The following PRMT3 variants were observed in gnomAD, a reference collection of about 807,000 sequenced individuals.
PRMT3 encodes protein arginine N-methyltransferase 3.
In PRMT3, 62 loss-of-function variants were observed where a neutral mutation model predicts 71.9. The ratio of observed to expected loss-of-function variants is 0.86; its 90% confidence interval spans 0.70 to 1.07. The LOEUF is 1.07. PRMT3 is among the 50% of genes least tolerant of loss of function. The pLI is 0.00. For missense variants in PRMT3, 663 were observed against 643.0 expected, an observed-to-expected ratio of 1.03 and a Z score of -0.34; for synonymous variants, 213 against 220.4, an observed-to-expected ratio of 0.97 and a Z score of 0.30.
chr11:20,391,485 C>T (rs886294736), intron 3 of PRMT3, among the ~76,000 whole-genome samples: 8 of 152,128 alleles, frequency 5.3e-5, no homozygotes, highest in Admixed American at 2.6e-4. Flanking sequence ...TCAGGTGATC[C>T]GCCTGCCTTG....
intron 9 of PRMT3, among the ~76,000 whole-genome samples, chr11:20,424,610 G>A (rs1849501621): frequency 1.3e-5 from 2 of 152,178 alleles, no homozygotes. Context: ...AGTATTTGGT[G>A]TAGGCAAAGA....
At chr11:20,408,154 C>G (rs1348709404) in intron 9 of PRMT3, 122 bp downstream of exon 9, 1 of 615,432 alleles carries the variant, frequency 1.6e-6, no homozygotes. Flanking sequence ...AGTAAAAATT[C>G]ACTCCAGAAT....
chr11:20,462,357 T>A (rs975902175), intron 12 of PRMT3, among the ~76,000 whole-genome samples, 190 bp downstream of exon 12: 9 of 152,302 alleles, frequency 5.9e-5, no homozygotes, highest in African/African-American at 2.2e-4. Context: ...ATCACTTCTC[T>A]GTATATTAAA....
chr11:20,496,563 A>G (rs1851337554), intron 15 of PRMT3, among the ~76,000 whole-genome samples: 1 of 146,844 alleles, frequency 6.8e-6, no homozygotes, highest in Non-Finnish European at 1.5e-5. Context: ...CAAGCAGCTC[A>G]GATTCAGCAT....
chr11:20,404,227 T>TTGTTTTGTTTTGTTTTGTTTTG (rs1849019013), intron 8 of PRMT3, among the ~76,000 whole-genome samples: 1 of 63,320 alleles, frequency 1.6e-5, no homozygotes, highest in East Asian at 3.9e-4. Flanking sequence ...TTTTTTTTTT[T>TTGTTTTGTTTTGTTTTGTTTTG]TTTTTTTTTT....
intron 10 of PRMT3, among the ~76,000 whole-genome samples, chr11:20,442,923 A>G (rs191281246): frequency 6.6e-6 from 1 of 152,198 alleles, no homozygotes; most frequent in Non-Finnish European, 1.5e-5. Context: ...AGGGCTGGGC[A>G]TGATGGCTTA....
chr11:20,450,719 A>G (rs1850129759), intron 10 of PRMT3, among the ~76,000 whole-genome samples: 1 of 152,166 alleles, frequency 6.6e-6, no homozygotes, highest in Non-Finnish European at 1.5e-5. Context: ...TAAGTGATTC[A>G]AGCATGAGAG....
intron 10 of PRMT3, among the ~76,000 whole-genome samples, chr11:20,451,926 A>ATT (rs1850158042): frequency 6.6e-6 from 1 of 152,084 alleles, no homozygotes; most frequent in Non-Finnish European, 1.5e-5. Flanking sequence ...ACCACAATAA[A>ATT]CTTTCTGGGT....
chr11:20,445,629 C>T (rs983083693), intron 10 of PRMT3, among the ~76,000 whole-genome samples: 7 of 152,000 alleles, frequency 4.6e-5, no homozygotes, highest in Admixed American at 1.3e-4. Context: ...GATCATCAGC[C>T]AGGTGAAAAT....
At chr11:20,442,783 G>T (rs1288761545) in intron 10 of PRMT3, among the ~76,000 whole-genome samples, 2 of 152,116 alleles carry the variant, frequency 1.3e-5, no homozygotes, top group Admixed American at 6.5e-5. Context: ...TACATTCTAC[G>T]TAATTAATGC....
At chr11:20,495,451 G>A (rs1008392218) in intron 15 of PRMT3, among the ~76,000 whole-genome samples, 1 of 152,108 alleles carries the variant, frequency 6.6e-6, no homozygotes, top group Non-Finnish European at 1.5e-5. Flanking sequence ...GCTTGAGTCT[G>A]CAGGGAGCTA....
chr11:20,454,660 C>T (rs956911693), intron 11 of PRMT3, among the ~76,000 whole-genome samples: 4 of 152,092 alleles, frequency 2.6e-5, no homozygotes, highest in African/African-American at 9.7e-5. Context: ...CATTTAGATG[C>T]TCATTGTTTT....
chr11:20,461,286 C>G (rs1313966591), intron 11 of PRMT3, among the ~76,000 whole-genome samples: 1 of 152,134 alleles, frequency 6.6e-6, no homozygotes, highest in East Asian at 1.9e-4. Context: ...ATATATTATC[C>G]CTTCTCCCCT....
At chr11:20,451,228 T>C (rs545173954) in intron 10 of PRMT3, among the ~76,000 whole-genome samples, 6 of 152,180 alleles carry the variant, frequency 3.9e-5, no homozygotes, top group Non-Finnish European at 8.8e-5. Flanking sequence ...CTAAAATCGG[T>C]AGTACACCAG....
intron 7 of PRMT3, 111 bp from the exon 8 acceptor site, chr11:20,402,804 TATAA>T: frequency 1.6e-6 from 1 of 639,960 alleles, no homozygotes; most frequent in South Asian, 2.6e-5. Flanking sequence ...GTATCCCAGG[TATAA>T]AAACTGCTAT....
chr11:20,453,177 T>G (rs529689141), intron 11 of PRMT3, among the ~76,000 whole-genome samples: 1 of 152,062 alleles, frequency 6.6e-6, no homozygotes, highest in African/African-American at 2.4e-5. Flanking sequence ...TTGGCAGTTT[T>G]GGTACAGTTA....
chr11:20,449,200 G>A (rs1219772261), intron 10 of PRMT3, among the ~76,000 whole-genome samples: 3 of 152,076 alleles, frequency 2.0e-5, no homozygotes, highest in African/African-American at 7.2e-5. Flanking sequence ...TCTCATGAAT[G>A]TCTTATTAGT....
chr11:20,451,549 T>G (rs1850149408), intron 10 of PRMT3, among the ~76,000 whole-genome samples: 1 of 152,060 alleles, frequency 6.6e-6, no homozygotes, highest in Non-Finnish European at 1.5e-5. Flanking sequence ...ATTTGGGAAG[T>G]GGTTTTCTAG....
intron 11 of PRMT3, among the ~76,000 whole-genome samples, chr11:20,459,501 A>T (rs912458193): frequency 6.6e-6 from 1 of 152,180 alleles, no homozygotes; most frequent in Non-Finnish European, 1.5e-5. Flanking sequence ...ATTTGTTTAT[A>T]TATTGTCCAT....
Sources: allele counts gnomAD v4.1 joint callset (sites outside exome capture counted in the v4.1 genomes callset), GRCh38; gene constraint gnomAD v4.1.1; transcripts MANE v1.5; gene names NCBI Gene and HGNC (gene_info 2026-07-23, HGNC 2026-07-21).